TENM3: variants seen among roughly 807,000 people sequenced by gnomAD.
TENM3 encodes teneurin transmembrane protein 3.
Under a neutral mutation model 255.1 loss-of-function variants are expected in TENM3, and 63 were observed. That is an observed-to-expected ratio of 0.25 (90% CI 0.20 to 0.30). The LOEUF (loss-of-function observed/expected upper bound fraction) is 0.30. Among genes scored for constraint, TENM3 ranks in the 10% least tolerant of loss-of-function variants. The probability of loss-of-function intolerance (pLI) is 1.00; values close to 1 mark genes in which losing one functional copy is unlikely to be tolerated. For missense variants in TENM3, 2,929 were observed against 3,461.1 expected, an observed-to-expected ratio of 0.85 and a Z score of 3.86; for synonymous variants, 1,306 against 1,322.3, an observed-to-expected ratio of 0.99 and a Z score of 0.27.
chr4:182,417,408 T>TATAA (rs1770467477), intron 3 of TENM3, among the ~76,000 whole-genome samples: 1 of 152,242 alleles, frequency 6.6e-6, no homozygotes, highest in Non-Finnish European at 1.5e-5. Flanking sequence ...AAACATATAA[T>TATAA]ACCATTGTAG....
the TENM3 span, among the ~76,000 whole-genome samples, chr4:181,635,108 A>C: frequency 1.3e-5 from 2 of 152,184 alleles, no homozygotes; most frequent in Non-Finnish European, 2.9e-5. Flanking sequence ...AAGTCACATT[A>C]ATTCTAATGG....
chr4:182,605,060 T>C (rs1748274950), intron 4 of TENM3, among the ~76,000 whole-genome samples: 1 of 152,238 alleles, frequency 6.6e-6, no homozygotes, highest in South Asian at 2.1e-4. Context: ...AAAACAGTCA[T>C]ACACACACCG....
At chr4:182,662,828 A>G (rs1212319640) in intron 6 of TENM3, among the ~76,000 whole-genome samples, 2 of 152,196 alleles carry the variant, frequency 1.3e-5, no homozygotes, top group Non-Finnish European at 2.9e-5. Context: ...TGTGTTTACC[A>G]TCAATAAAGA....
the TENM3 span, among the ~76,000 whole-genome samples, chr4:181,844,673 A>T: frequency 6.6e-6 from 1 of 151,712 alleles, no homozygotes; most frequent in Non-Finnish European, 1.5e-5. Flanking sequence ...GTCTCAAAAA[A>T]ATAAAATAAA....
intron 3 of TENM3, among the ~76,000 whole-genome samples, chr4:182,452,819 G>T (rs971513267): frequency 1.3e-5 from 2 of 152,160 alleles, no homozygotes; most frequent in Admixed American, 6.5e-5. Context: ...AATAGATAAT[G>T]TGCAATAAAT....
chr4:182,431,036 TAAACAAACAAACAAAC>T lies in TENM3; in HGVS notation c.511+84115_511+84130del, dbSNP rs59913149. ...CTAAATAAATAAATAAATAAATAAA[TAAACAAACAAACAAAC>T]AAACAAATAAATAACTGACTTTGGT... On this transcript the variant is annotated intron_variant, in intron 3 of 27. Coordinates refer to ENST00000511685, the MANE Select transcript of TENM3 (RefSeq NM_001080477.4). Among the ~76,000 whole-genome samples the T allele has an allele frequency of 1.7e-3, 256 of 146,900 alleles. 1 individual carries two copies. The highest frequency in any genetic ancestry group is 4.4e-3 in the African/African-American group (170 of 38,908).
chr4:181,544,918 A>C, the TENM3 span, among the ~76,000 whole-genome samples: 4 of 152,254 alleles, frequency 2.6e-5, no homozygotes, highest in African/African-American at 9.6e-5. Flanking sequence ...CTGCATGAGA[A>C]TATGAAGTTT....
chr4:182,478,153 T>G (rs963383337), intron 3 of TENM3, among the ~76,000 whole-genome samples: 1 of 152,126 alleles, frequency 6.6e-6, no homozygotes, highest in African/African-American at 2.4e-5. Context: ...TAAAAATAAC[T>G]TTTGTAATTG....
intron 3 of TENM3, among the ~76,000 whole-genome samples, chr4:182,577,353 G>GGA (rs1319205570): frequency 7.9e-5 from 12 of 152,178 alleles, no homozygotes; most frequent in Middle Eastern, 3.2e-3. Flanking sequence ...GAAAGTACCT[G>GGA]AAGTACAGTA....
At chr4:181,764,479 T>C in the TENM3 span, among the ~76,000 whole-genome samples, 1 of 152,218 alleles carries the variant, frequency 6.6e-6, no homozygotes, top group Non-Finnish European at 1.5e-5. Context: ...TTAGAATATC[T>C]AAGCTTTGAG....
At chr4:181,721,674 A>G in the TENM3 span, among the ~76,000 whole-genome samples, 2 of 149,062 alleles carry the variant, frequency 1.3e-5, no homozygotes, top group Admixed American at 1.3e-4. Flanking sequence ...GAATGCAGCC[A>G]GGGAAGATGG....
intron 1 of TENM3, among the ~76,000 whole-genome samples, chr4:182,323,449 T>C (rs2150499461): frequency 6.6e-6 from 1 of 151,498 alleles, no homozygotes; most frequent in South Asian, 2.1e-4. Flanking sequence ...GTTCAATGCA[T>C]TTGACAAAGT....
At chr4:181,924,596 G>A in the TENM3 span, among the ~76,000 whole-genome samples, 1 of 152,270 alleles carries the variant, frequency 6.6e-6, no homozygotes, top group South Asian at 2.1e-4. Flanking sequence ...AATGCCTCAA[G>A]GCAAATTAGT....
chr4:182,490,726 T>TTGGGTACATGTGGTACAAAA (rs60482694), intron 3 of TENM3, among the ~76,000 whole-genome samples: 1 of 152,160 alleles, frequency 6.6e-6, no homozygotes, highest in East Asian at 1.9e-4. Flanking sequence ...GATGGTACCT[T>TTGGGTACATGTGGTACAAAA]ATGAAGGGAC....
chr4:181,910,630 ATGTGTGTGTG>A, the TENM3 span, among the ~76,000 whole-genome samples: 3 of 93,812 alleles, frequency 3.2e-5, no homozygotes, highest in Non-Finnish European at 7.1e-5. Flanking sequence ...GTGTGTGTGT[ATGTGTGTGTG>A]TGTGTGTGTG....
At chr4:181,923,695 G>A in the TENM3 span, among the ~76,000 whole-genome samples, 4 of 152,136 alleles carry the variant, frequency 2.6e-5, no homozygotes, top group African/African-American at 9.7e-5. Flanking sequence ...GACAGGAAAG[G>A]CAACAGTGTG....
At chr4:182,108,570 T>C in the TENM3 span, among the ~76,000 whole-genome samples, 4 of 152,208 alleles carry the variant, frequency 2.6e-5, no homozygotes, top group African/African-American at 4.8e-5. Flanking sequence ...CCTAGGAATA[T>C]GGAATGAATG....
intron 3 of TENM3, among the ~76,000 whole-genome samples, chr4:182,515,172 G>T (rs1737812580): frequency 6.6e-6 from 1 of 152,182 alleles, no homozygotes; most frequent in African/African-American, 2.4e-5. Flanking sequence ...AAATGAATCG[G>T]AAGTGAGGAA....
chr4:182,653,339 G>A (rs954402974), intron 5 of TENM3, among the ~76,000 whole-genome samples: 2 of 152,096 alleles, frequency 1.3e-5, no homozygotes, highest in Middle Eastern at 3.2e-3. Flanking sequence ...TTACCTTAAC[G>A]CAAAGGTAGA....
Sources: gnomAD v4.1 joint callset for allele counts (sites outside exome capture counted in the v4.1 genomes callset) on GRCh38, gnomAD v4.1.1 for gene constraint, MANE v1.5 for transcripts, NCBI Gene and HGNC (gene_info 2026-07-23, HGNC 2026-07-21) for gene names.